TIAM1: variants seen among roughly 807,000 people sequenced by gnomAD.
TIAM1 encodes rho guanine nucleotide exchange factor TIAM1.
A neutral mutation model predicts 163.5 loss-of-function variants in TIAM1; 65 were observed. The ratio of observed to expected loss-of-function variants is 0.40; its 90% confidence interval spans 0.33 to 0.49. TIAM1 has a LOEUF of 0.49. Among genes scored for constraint, TIAM1 ranks in the 20% least tolerant of loss-of-function variants. The probability of loss-of-function intolerance (pLI) is 0.77; values close to 1 mark genes in which losing one functional copy is unlikely to be tolerated. For synonymous variants in TIAM1, 833 were observed against 810.1 expected, an observed-to-expected ratio of 1.03 and a Z score of -0.48; for missense variants, 1,789 against 2,044.7, an observed-to-expected ratio of 0.87 and a Z score of 2.41.
chr21:31,287,703 G>A (rs1315254347), intron 2 of TIAM1, among the ~76,000 whole-genome samples: 3 of 152,200 alleles, frequency 2.0e-5, no homozygotes, highest in African/African-American at 4.8e-5. Flanking sequence ...ATGTTGCAGT[G>A]AGGCGAGTGC....
At chr21:31,385,996 A>G (rs574412381) in intron 2 of TIAM1, among the ~76,000 whole-genome samples, 1 of 150,014 alleles carries the variant, frequency 6.7e-6, no homozygotes, top group Non-Finnish European at 1.5e-5. Flanking sequence ...TTTTAAACAA[A>G]TAACTGTATT....
At chr21:31,517,297 G>A (rs968392515) in intron 1 of TIAM1, among the ~76,000 whole-genome samples, 5 of 152,100 alleles carry the variant, frequency 3.3e-5, no homozygotes, top group Non-Finnish European at 5.9e-5. Flanking sequence ...ACTTTAGGAG[G>A]CCAGAACAGG....
chr21:31,249,741 C>T (rs778534185), intron 5 of TIAM1, among the ~76,000 whole-genome samples: 1 of 152,118 alleles, frequency 6.6e-6, no homozygotes, highest in Non-Finnish European at 1.5e-5. Context: ...CCCTGTAACA[C>T]CTCCAAGTTA....
intron 23 of TIAM1, among the ~76,000 whole-genome samples, chr21:31,132,182 G>A (rs1332032285): frequency 6.6e-6 from 1 of 152,194 alleles, no homozygotes; most frequent in Non-Finnish European, 1.5e-5. Flanking sequence ...AGGCCCTTTG[G>A]AGGCCAACTG....
At chr21:31,133,209 G>A (rs2082486086) in intron 23 of TIAM1, among the ~76,000 whole-genome samples, 1 of 152,158 alleles carries the variant, frequency 6.6e-6, no homozygotes, top group South Asian at 2.1e-4. Flanking sequence ...TTAACGGCTG[G>A]GAATCCACAG....
At chr21:31,153,044 G>T in intron 18 of TIAM1, 22 bp downstream of exon 18, 1 of 1,607,496 alleles carries the variant, frequency 6.2e-7, no homozygotes, top group Non-Finnish European at 8.5e-7. Flanking sequence ...TGGTCACAAA[G>T]TTGAAACCAT....
Position 31,430,210 on chromosome 21 carries a change from GAAAAAAA to G in TIAM1, c.-369+33766_-369+33772del, listed in dbSNP as rs57117941. On this transcript the variant is annotated intron_variant, in intron 2 of 28. Transcript: ENST00000286827. ...AACAAGAGCGAAACTCCATCTCAAA[GAAAAAAA>G]AAAAAAAAATATATATATATATATA... Among the ~76,000 whole-genome samples, 77 of 89,420 alleles carry G rather than the reference GAAAAAAA, an allele frequency of 8.6e-4. 2 individuals carry two copies. Among genetic ancestry groups the G allele is most frequent in the African/African-American group, 2.6e-3 (51 of 19,930 alleles). The allele number at this position is 89,420 out of a possible 152,430, so 58.7% of individuals were successfully genotyped here. A position where few individuals can be genotyped will look rare whatever the true frequency, so the allele number is the denominator to read the frequency against.
At chr21:31,221,110 A>C (rs904409922) in intron 8 of TIAM1, among the ~76,000 whole-genome samples, 4 of 152,220 alleles carry the variant, frequency 2.6e-5, no homozygotes, top group Admixed American at 6.5e-5. Flanking sequence ...GGAGAAAAAA[A>C]ATCCCAGGGG....
chr21:31,518,970 G>C (rs992188524), intron 1 of TIAM1, among the ~76,000 whole-genome samples: 1 of 152,152 alleles, frequency 6.6e-6, no homozygotes, highest in Non-Finnish European at 1.5e-5. Context: ...CAAGGCAAGA[G>C]GATCACTTGA....
intron 2 of TIAM1, among the ~76,000 whole-genome samples, chr21:31,379,803 T>C (rs1309990812): frequency 6.6e-6 from 1 of 152,212 alleles, no homozygotes; most frequent in Non-Finnish European, 1.5e-5. Context: ...TCCTTTCATA[T>C]AAAATGTCCA....
chr21:31,539,501 G>A (rs189208745), intron 1 of TIAM1, among the ~76,000 whole-genome samples: 9 of 151,960 alleles, frequency 5.9e-5, no homozygotes, highest in South Asian at 2.1e-4. Flanking sequence ...TCCTGACCTC[G>A]TGATCCGCCC....
At chr21:31,239,579 A>G (rs1173781946) in intron 6 of TIAM1, among the ~76,000 whole-genome samples, 3 of 152,320 alleles carry the variant, frequency 2.0e-5, no homozygotes, top group South Asian at 2.1e-4. Context: ...AACAAATGAC[A>G]CCATTAAGAG....
At position 31,195,225 on chromosome 21, in the gene TIAM1, G is replaced by T; in HGVS notation, c.2574C>A (p.Tyr858Ter). 6.2e-7 allele frequency: 1 copy of T among 1,607,614 alleles called. No homozygotes were observed. The highest frequency in any genetic ancestry group is 8.5e-7 in the Non-Finnish European group (1 of 1,175,262). ...IEKSDTAADT[Y>*]GFSLSSVEED... is the part of the protein sequence containing the mutation. Reference sequence around the variant, plus strand: ...ACAAACAAAGAAAAATAAACTTACCGTAAGTATCAGCAGCTGTATCTGACT... The same window carrying T: ...ACAAACAAAGAAAAATAAACTTACCTTAAGTATCAGCAGCTGTATCTGACT... Residue 858 changes from tyrosine (Y) to a stop codon, truncating the protein, a stop_gained and splice_region_variant, in exon 13 of 28, where the codon TAC becomes TAA. Transcript: ENST00000541036. LOFTEE classifies it high-confidence loss of function.
Position 31,119,218 on chromosome 21 carries a change from A to G in TIAM1, c.*1150T>C, listed in dbSNP as rs1230862782. 1 of 152,664 alleles carries G rather than the reference A, an allele frequency of 6.6e-6. No individual in the cohort carries two copies. The highest frequency in any genetic ancestry group is 1.5e-5 in the Non-Finnish European group (1 of 68,100). 9.5% of individuals were successfully genotyped at this position (152,664 alleles called of 1,614,324 possible). ...ATGTTTACCCTGTTTCGTTGGCATG[A>G]AGAAAGTGTTAAACACAAGAGAAGT... On this transcript the variant is annotated 3_prime_UTR_variant, in exon 28 of 28. Coordinates refer to ENST00000541036, the MANE Select transcript of TIAM1 (RefSeq NM_001353694.2).
intron 15 of TIAM1, among the ~76,000 whole-genome samples, chr21:31,174,988 G>A (rs2084694248): frequency 6.6e-6 from 1 of 152,156 alleles, no homozygotes; most frequent in South Asian, 2.1e-4. Flanking sequence ...TTGTCTCACA[G>A]GCTGTGTGTA....
intron 18 of TIAM1, 64 bp from the exon 19 acceptor site, chr21:31,152,825 T>A: frequency 1.3e-6 from 2 of 1,566,752 alleles, no homozygotes; most frequent in Non-Finnish European, 1.7e-6. Flanking sequence ...GTTATTTATA[T>A]CTGATTACAA....
intron 2 of TIAM1, among the ~76,000 whole-genome samples, chr21:31,396,854 G>T (rs1196714471): frequency 2.0e-5 from 3 of 152,002 alleles, no homozygotes; most frequent in Admixed American, 1.3e-4. Context: ...AGGAGGCTGA[G>T]ACAGGAGAAT....
At chr21:31,498,797 T>G (rs2046751717) in intron 1 of TIAM1, among the ~76,000 whole-genome samples, 2 of 151,772 alleles carry the variant, frequency 1.3e-5, no homozygotes, top group Non-Finnish European at 1.5e-5. Flanking sequence ...ATTATAAAAA[T>G]TAGCCAGGCG....
intron 16 of TIAM1, among the ~76,000 whole-genome samples, chr21:31,161,762 G>A (rs1018546834): frequency 3.3e-5 from 5 of 152,082 alleles, no homozygotes; most frequent in Non-Finnish European, 5.9e-5. Context: ...ACTCAGCCTC[G>A]TGCATTCAGA....
Sources: allele counts gnomAD v4.1 joint callset (sites outside exome capture counted in the v4.1 genomes callset), GRCh38; gene constraint gnomAD v4.1.1; transcripts MANE v1.5; gene names NCBI Gene and HGNC (gene_info 2026-07-23, HGNC 2026-07-21).